The following ADCY7 variants were observed in gnomAD, a reference collection of about 807,000 sequenced individuals.
ADCY7 encodes adenylate cyclase type 7.
ADCY7 carries 72 observed loss-of-function variants against 120.6 expected under a neutral mutation model. The ratio of observed to expected loss-of-function variants is 0.60; its 90% CI spans 0.49 to 0.73. The LOEUF is 0.73. ADCY7 is among the 30% of genes least tolerant of loss of function. ADCY7 has a pLI of 0.00. For synonymous variants in ADCY7, 661 were observed against 628.0 expected, an observed-to-expected ratio of 1.05 and a Z score of -0.78; for missense variants, 1,227 against 1,486.0, an observed-to-expected ratio of 0.83 and a Z score of 2.87.
intron 7 of ADCY7, 52 bp from the exon 8 acceptor site, chr16:50,298,852 G>A: frequency 2.5e-6 from 4 of 1,579,226 alleles, no homozygotes; most frequent in Non-Finnish European, 3.5e-6. Flanking sequence ...GCTGTCGTGA[G>A]AGGTCCCAGC....
rs34443362 is a variant in ADCY7, at chr16:50,250,456, C to CAAA, written c.-64+4274_-64+4276dup. Among the ~76,000 whole-genome samples the CAAA allele has an allele frequency of 1.1e-3, 79 of 69,110 alleles. 1 individual carries two copies. Among genetic ancestry groups the CAAA allele is most frequent in the African/African-American group, 3.6e-3 (66 of 18,322 alleles). 45.3% of individuals were successfully genotyped at this position (69,110 alleles called of 152,430 possible). On this transcript the variant is annotated intron_variant, in intron 1 of 4. Coordinates refer to the ADCY7 transcript ENST00000564044. Reference sequence around the variant, plus strand: ...TGGGGGACAAAGCAAGACTCTATCTCAAAAAAAAAAAAAAAAAAAAAAACC... The same window carrying CAAA: ...TGGGGGACAAAGCAAGACTCTATCTCAAAAAAAAAAAAAAAAAAAAAAAAAACC...
At position 50,246,378 on chromosome 16, in the gene ADCY7, G is replaced by C. The variant is rs532700668; in HGVS notation, c.-64+175G>C. On this transcript the variant is annotated intron_variant, in intron 1 of 4. Coordinates refer to the ADCY7 transcript ENST00000564044. ...TGCCCGGCGGTGGCGGCTCCTGCCC[G>C]GGTGGGTCGGAAATGCTCCGAGACC... Among the ~76,000 whole-genome samples, 135 of 152,112 alleles carry C rather than the reference G, an allele frequency of 8.9e-4. No homozygotes were observed. In the South Asian group the frequency reaches 0.028, roughly 31 times the overall value.
At chr16:50,273,606 G>A (rs1438090840) in intron 1 of ADCY7, among the ~76,000 whole-genome samples, 2 of 152,224 alleles carry the variant, frequency 1.3e-5, no homozygotes, top group African/African-American at 4.8e-5. Flanking sequence ...GGGGGTTTAT[G>A]AGGTTTTATA....
chr16:50,293,757 C>A (rs1382181417), intron 6 of ADCY7, among the ~76,000 whole-genome samples: 1 of 152,188 alleles, frequency 6.6e-6, no homozygotes, highest in Non-Finnish European at 1.5e-5. Context: ...ACCCCCAAAA[C>A]TGTAAAACTG....
In ADCY7 at chr16:50,278,797, C is replaced by T. The variant is rs145068078; in HGVS notation, c.-268-9115C>T. Among the ~76,000 whole-genome samples the T allele has an allele frequency of 3.1e-3, 477 of 152,066 alleles. 1 individual carries two copies. The highest frequency in any genetic ancestry group is 0.011 in the African/African-American group (452 of 41,454). On this transcript the variant is annotated intron_variant, in intron 1 of 25. Transcript: ENST00000673801. ...AGTTAAGACTCAAATGCACATCTTTCCTGTCCCCTTCAGGACAGTGGTTAC... is the reference window on the plus strand; with the variant it reads ...AGTTAAGACTCAAATGCACATCTTTTCTGTCCCCTTCAGGACAGTGGTTAC...
chr16:50,313,380 GCA>G lies in ADCY7; in HGVS notation c.2751+346_2751+347del, dbSNP rs1434143298. The G allele has an allele frequency of 2.1e-4, 54 of 257,906 alleles. 1 individual carries two copies. The South Asian group carries it at 2.4e-3, about 11-fold the overall frequency. 16.0% of individuals were successfully genotyped at this position (257,906 alleles called of 1,614,324 possible). On this transcript the variant is annotated intron_variant, in intron 22 of 25. Coordinates refer to ENST00000673801, the MANE Select transcript of ADCY7 (RefSeq NM_001114.5). ...TGCAGTGAGCTGGGATCACGCCACT[GCA>G]CTACAGCCTGGGCAACAGTACACAA... is the stretch of plus-strand genomic sequence containing the variant.
Position 50,315,670 on chromosome 16 carries a change from A to G in ADCY7, c.*165A>G. 1 of 869,366 alleles carries G rather than the reference A, an allele frequency of 1.2e-6. No individual in the cohort carries two copies. Among genetic ancestry groups the G allele is most frequent in the East Asian group, 2.7e-5 (1 of 37,374 alleles). The allele number at this position is 869,366 out of a possible 1,614,324, so 53.9% of individuals were successfully genotyped here. On this transcript the variant is annotated 3_prime_UTR_variant, in exon 26 of 26. Coordinates refer to ENST00000673801, the MANE Select transcript of ADCY7 (RefSeq NM_001114.5). ...AGGATTTCTCAGACACATGCACCAG[A>G]TTCTGGCTCGAAGCAGCCACTGAGC...
In ADCY7 at chr16:50,246,658, C is replaced by T. The variant is rs548000012; in HGVS notation, c.-64+455C>T. 2.4e-4 allele frequency among the ~76,000 whole-genome samples: 37 copies of T among 152,286 alleles called. No homozygotes were observed. The South Asian group carries it at 7.3e-3, about 30-fold the overall frequency. ...GCAGGACCGGGCTGTGGGTCTGCAG[C>T]GCTCCCGCCGGAGCCAGCAGCGAGC... On this transcript the variant is annotated intron_variant, in intron 1 of 4. Coordinates refer to the ADCY7 transcript ENST00000564044.
upstream of ADCY7, among the ~76,000 whole-genome samples, chr16:50,263,504 C>T (rs2033112461): frequency 6.6e-6 from 1 of 152,090 alleles, no homozygotes; most frequent in African/African-American, 2.4e-5. Flanking sequence ...GTTTACTGTG[C>T]CCCTCTCATT....
intron 1 of ADCY7, among the ~76,000 whole-genome samples, chr16:50,246,683 C>A (rs1290320016): frequency 6.6e-6 from 1 of 152,220 alleles, no homozygotes; most frequent in East Asian, 1.9e-4. Flanking sequence ...CAGCAGCGAG[C>A]AGGACCCCTC....
At chr16:50,290,713 C>A in intron 3 of ADCY7, 53 bp downstream of exon 3, 1 of 1,570,934 alleles carries the variant, frequency 6.4e-7, no homozygotes, top group South Asian at 1.2e-5. Context: ...GCTCCCATCC[C>A]CGTGGTTGGT....
intron 1 of ADCY7, among the ~76,000 whole-genome samples, chr16:50,277,430 G>C (rs1354213192): frequency 6.6e-6 from 1 of 152,200 alleles, no homozygotes; most frequent in African/African-American, 2.4e-5. Flanking sequence ...GCCCAGGAGG[G>C]AATGTGAGTG....
At chr16:50,271,181 G>A (rs753716805) in intron 1 of ADCY7, among the ~76,000 whole-genome samples, 15 of 152,180 alleles carry the variant, frequency 9.9e-5, no homozygotes, top group South Asian at 2.1e-4. Context: ...CCAGAGCTCC[G>A]TTCCTCTTTG....
intron 1 of ADCY7, among the ~76,000 whole-genome samples, chr16:50,249,242 C>A (rs1310502901): frequency 6.6e-6 from 1 of 152,070 alleles, no homozygotes; most frequent in Non-Finnish European, 1.5e-5. Flanking sequence ...GAGTTTGAGA[C>A]CAGCCTGGCC....
At chr16:50,264,993 C>T (rs1034640129), upstream of ADCY7, among the ~76,000 whole-genome samples, 45 of 151,978 alleles carry the variant, frequency 3.0e-4, no homozygotes, top group Admixed American at 4.6e-4. Flanking sequence ...CATGCCACCA[C>T]GCCTGGCTAA....
chr16:50,302,185 C>T (rs1348883769), intron 10 of ADCY7, among the ~76,000 whole-genome samples: 4 of 152,066 alleles, frequency 2.6e-5, no homozygotes, highest in Non-Finnish European at 4.4e-5. Flanking sequence ...TGGTGGCACC[C>T]GCAGGTCCCT....
At chr16:50,267,323 G>A (rs2033279616) in intron 1 of ADCY7, among the ~76,000 whole-genome samples, 2 of 152,214 alleles carry the variant, frequency 1.3e-5, no homozygotes, top group South Asian at 4.1e-4. Context: ...CAGAGGGTGA[G>A]GCAGTTGCCT....
At chr16:50,278,059 T>G (rs1004516455) in intron 1 of ADCY7, among the ~76,000 whole-genome samples, 2 of 151,694 alleles carry the variant, frequency 1.3e-5, no homozygotes, top group African/African-American at 4.8e-5. Flanking sequence ...CTTTTTTTTT[T>G]GAGACAGAGC....
In ADCY7 at chr16:50,308,889, C is replaced by T. The variant is rs1336577924; in HGVS notation, c.2061+97C>T. The T allele has an allele frequency of 5.6e-6, 8 of 1,439,772 alleles. No individual in the cohort carries two copies. The East Asian group carries it at 7.2e-5, about 13-fold the overall frequency. The allele number at this position is 1,439,772 out of a possible 1,614,324, so 89.2% of individuals were successfully genotyped here. On this transcript the variant is annotated intron_variant, in intron 17 of 25. Coordinates refer to ENST00000673801, the MANE Select transcript of ADCY7 (RefSeq NM_001114.5). ...GGCCTTAAAAGCTGCCTCTGGTTGTCCTCTCCCCCGAGCTCAGCAGGTGGA... is the reference window on the plus strand; with the variant it reads ...GGCCTTAAAAGCTGCCTCTGGTTGTTCTCTCCCCCGAGCTCAGCAGGTGGA...
Sources: gnomAD v4.1 joint callset for allele counts (sites outside exome capture counted in the v4.1 genomes callset) on GRCh38, gnomAD v4.1.1 for gene constraint, MANE v1.5 for transcripts, NCBI Gene and HGNC (gene_info 2026-07-23, HGNC 2026-07-21) for gene names.